DPP10: variants seen among roughly 807,000 people sequenced by gnomAD.
DPP10 encodes the protein dipeptidyl peptidase like 10.
DPP10 carries 33 observed loss-of-function variants against 120.9 expected under a neutral mutation model. The ratio of observed to expected loss-of-function variants is 0.27; its 90% CI spans 0.21 to 0.37. The LOEUF (loss-of-function observed/expected upper bound fraction) is 0.37, where lower values mean the gene tolerates loss of function less well. Among genes scored for constraint, DPP10 ranks in the 10% least tolerant of loss-of-function variants. DPP10 has a pLI of 1.00. For synonymous variants in DPP10, 337 were observed against 326.1 expected, an observed-to-expected ratio of 1.03 and a Z score of -0.36; for missense variants, 816 against 942.8, an observed-to-expected ratio of 0.87 and a Z score of 1.76.
At chr2:115,288,198 AT>A (rs199630988) in intron 1 of DPP10, among the ~76,000 whole-genome samples, 4 of 149,576 alleles carry the variant, frequency 2.7e-5, no homozygotes, top group African/African-American at 7.4e-5. Flanking sequence ...TTTAATTTAA[AT>A]TTTTTTTTTC....
chr2:114,576,491 G>A (rs987731103), intron 1 of DPP10, among the ~76,000 whole-genome samples: 2 of 152,148 alleles, frequency 1.3e-5, no homozygotes, highest in Admixed American at 6.6e-5. Context: ...TGGGGATGGG[G>A]TGAACAAATA....
At chr2:115,789,255 T>G (rs1437783294) in intron 17 of DPP10, among the ~76,000 whole-genome samples, 1 of 152,176 alleles carries the variant, frequency 6.6e-6, no homozygotes, top group Non-Finnish European at 1.5e-5. Flanking sequence ...TAATAGCAAG[T>G]CAAACCTAGC....
intron 1 of DPP10, among the ~76,000 whole-genome samples, chr2:114,899,951 C>A (rs1387292214): frequency 6.6e-6 from 1 of 152,206 alleles, no homozygotes; most frequent in Non-Finnish European, 1.5e-5. Context: ...CAGAGCGAGA[C>A]TCCGTCTCAA....
At chr2:114,942,883 T>A (rs1397180447) in intron 1 of DPP10, among the ~76,000 whole-genome samples, 1 of 152,176 alleles carries the variant, frequency 6.6e-6, no homozygotes, top group Middle Eastern at 3.2e-3. Flanking sequence ...CTTTCACTCT[T>A]TGTAAAAATG....
intron 2 of DPP10, among the ~76,000 whole-genome samples, chr2:115,311,316 T>G (rs542446531): frequency 1.4e-4 from 22 of 152,314 alleles, no homozygotes; most frequent in African/African-American, 5.3e-4. Context: ...AAGAGTTTAT[T>G]TAGCATGCTG....
At chr2:114,958,633 AC>A (rs1192918113) in intron 1 of DPP10, among the ~76,000 whole-genome samples, 2 of 152,158 alleles carry the variant, frequency 1.3e-5, no homozygotes, top group African/African-American at 2.4e-5. Flanking sequence ...ATCATATTGT[AC>A]CCCCAAAATA....
chr2:114,700,247 C>T (rs777966163), intron 1 of DPP10, among the ~76,000 whole-genome samples: 45 of 152,080 alleles, frequency 3.0e-4, no homozygotes, highest in Non-Finnish European at 3.8e-4. Flanking sequence ...CACCTCCCCA[C>T]ACCACCCTCC....
intron 1 of DPP10, among the ~76,000 whole-genome samples, chr2:114,523,659 G>A (rs986459309): frequency 6.6e-6 from 1 of 152,208 alleles, no homozygotes; most frequent in Non-Finnish European, 1.5e-5. Context: ...TTAAGGAGAG[G>A]AAATGTGCCA....
intron 5 of DPP10, among the ~76,000 whole-genome samples, chr2:115,648,125 C>A (rs2087433963): frequency 6.6e-6 from 1 of 151,990 alleles, no homozygotes. Context: ...CAGAAGAATT[C>A]TCCACCAGAG....
chr2:115,002,155 A>C (rs1318572607), intron 1 of DPP10, among the ~76,000 whole-genome samples: 3 of 152,158 alleles, frequency 2.0e-5, no homozygotes, highest in African/African-American at 7.2e-5. Flanking sequence ...AGTAATCAAA[A>C]CAGCACGGTA....
intron 3 of DPP10, among the ~76,000 whole-genome samples, chr2:115,417,970 T>C (rs2069583087): frequency 1.3e-5 from 2 of 152,192 alleles, no homozygotes; most frequent in African/African-American, 4.8e-5. Context: ...AATTCTTCAA[T>C]TGTCTTCCCC....
At chr2:115,576,727 C>A (rs751189373) in intron 5 of DPP10, among the ~76,000 whole-genome samples, 3 of 152,128 alleles carry the variant, frequency 2.0e-5, no homozygotes, top group African/African-American at 7.2e-5. Flanking sequence ...AAGGTCAATG[C>A]ACATGTGCCG....
In DPP10 at chr2:114,982,899, G is replaced by A. The variant is rs371458300; in HGVS notation, c.61-326340G>A. Among the ~76,000 whole-genome samples, 687 of 151,948 alleles carry A rather than the reference G, an allele frequency of 4.5e-3. 5 individuals carry two copies. The highest frequency in any genetic ancestry group is 0.014 in the African/African-American group (560 of 41,442). The stretch of plus-strand genomic sequence containing the variant: ...TGTGATTACAGGTGTGAGCCACTGC[G>A]CCCAGCCAATTTTGCAAATTGAACT... On this transcript the variant is annotated intron_variant, in intron 1 of 25. Transcript: ENST00000410059.
At chr2:114,489,579 C>T (rs73946171) in intron 1 of DPP10, among the ~76,000 whole-genome samples, 1 of 152,154 alleles carries the variant, frequency 6.6e-6, no homozygotes, top group African/African-American at 2.4e-5. Flanking sequence ...TGTCCCATTG[C>T]GACAATCAGT....
At chr2:115,025,287 CG>C (rs1224148726) in intron 1 of DPP10, among the ~76,000 whole-genome samples, 5 of 152,038 alleles carry the variant, frequency 3.3e-5, no homozygotes, top group Admixed American at 6.6e-5. Flanking sequence ...TTTCACCTAG[CG>C]TAACAACTCC....
intron 1 of DPP10, among the ~76,000 whole-genome samples, chr2:114,549,950 G>T (rs1177715932): frequency 6.6e-6 from 1 of 152,116 alleles, no homozygotes; most frequent in Non-Finnish European, 1.5e-5. Flanking sequence ...TCAAAGGAAA[G>T]CATTTTACCT....
At chr2:115,244,206 A>G (rs2058415604) in intron 1 of DPP10, among the ~76,000 whole-genome samples, 1 of 143,172 alleles carries the variant, frequency 7.0e-6, no homozygotes, top group African/African-American at 2.6e-5. Flanking sequence ...CTATATATAT[A>G]TATGTGTGTG....
chr2:115,670,268 A>G (rs1475087582), intron 5 of DPP10, among the ~76,000 whole-genome samples: 5 of 152,132 alleles, frequency 3.3e-5, no homozygotes, highest in Non-Finnish European at 5.9e-5. Context: ...ATAAATTTGG[A>G]TGGAGAGGAC....
At chr2:114,513,797 C>G (rs1198108903) in intron 1 of DPP10, among the ~76,000 whole-genome samples, 1 of 152,102 alleles carries the variant, frequency 6.6e-6, no homozygotes, top group Admixed American at 6.5e-5. Context: ...TATTGAGAAC[C>G]TCTTGCATAA....
Sources: allele counts gnomAD v4.1 joint callset (sites outside exome capture counted in the v4.1 genomes callset), GRCh38; gene constraint gnomAD v4.1.1; transcripts MANE v1.5; gene names NCBI Gene and HGNC (gene_info 2026-07-23, HGNC 2026-07-21).